ZNF256: variants seen among roughly 807,000 people sequenced by gnomAD.
ZNF256 encodes the protein bone marrow zinc finger 3.
Under a neutral mutation model 7.9 loss-of-function variants are expected in ZNF256, and 4 were observed. That is an observed-to-expected ratio of 0.50 (90% confidence interval 0.25 to 1.15). The LOEUF is 1.15. Ranked by LOEUF, ZNF256 falls within the 50% of genes most tolerant of loss-of-function variation. The probability of loss-of-function intolerance (pLI) is 0.15; values close to 1 mark genes in which losing one functional copy is unlikely to be tolerated. For missense variants in ZNF256, 666 were observed against 755.9 expected (o/e 0.88, Z 1.39); for synonymous variants, 260 against 260.4 (o/e 1.00, Z 0.02).
Position 57,941,130 on chromosome 19 carries a change from A to C in ZNF256, c.1678T>G (p.Ser560Ala). Residue 560 changes from serine (S) to alanine (A), a missense_variant, in exon 3 of 3, where the codon TCT becomes GCT. By Grantham distance (99) the Ser-to-Ala change is moderately conservative. Coordinates refer to ENST00000282308, the MANE Select transcript of ZNF256 (RefSeq NM_005773.3). The stretch of plus-strand genomic sequence containing the variant: ...ACTCTTCGGTGTTTAACGAGGCTAG[A>C]GTGGTTACTAAAGGATTTCCAACAC... ...SECWKSFSNH[S>A]SLVKHRRVHT... The C allele has an allele frequency of 1.9e-6, 3 of 1,614,136 alleles. No individual in the cohort carries two copies. The South Asian group carries it at 3.3e-5, about 18-fold the overall frequency.
In ZNF256 at chr19:57,942,388, A is replaced by G. The variant is rs1027047330; in HGVS notation, c.420T>C (p.His140=). ...TAYLHQHQKQ[H]VGQKHFRSNG... is the part of the protein sequence containing the mutation. Reference sequence around the variant, plus strand: ...TGCTTCTGAAGTGTTTCTGTCCAACATGCTGCTTCTGGTGCTGATGAAGGT... The same window carrying G: ...TGCTTCTGAAGTGTTTCTGTCCAACGTGCTGCTTCTGGTGCTGATGAAGGT... Residue 140 remains histidine, a synonymous_variant, in exon 3 of 3, where the codon CAT becomes CAC. Coordinates refer to ENST00000282308, the MANE Select transcript of ZNF256 (RefSeq NM_005773.3). The G allele has an allele frequency of 6.2e-7, 1 of 1,614,224 alleles. No homozygotes were observed. The highest frequency in any genetic ancestry group is 1.7e-5 in the Admixed American group (1 of 60,030).
At chr19:57,944,150 C>G in intron 1 of ZNF256, 90 bp from the exon 2 acceptor site, 2 of 1,576,706 alleles carry the variant, frequency 1.3e-6, no homozygotes, top group Non-Finnish European at 1.7e-6. Context: ...CATGCTCATC[C>G]TCTTTCCAAG....
At position 57,940,899 on chromosome 19, in the gene ZNF256, C is replaced by T; in HGVS notation, c.*25G>A. The T allele has an allele frequency of 6.3e-7, 1 of 1,588,208 alleles. No homozygotes were observed. Among genetic ancestry groups the T allele is most frequent in the Non-Finnish European group, 8.6e-7 (1 of 1,163,616 alleles). ...TGCAGGGACACTTCTCAGTCCGTAA[C>T]AGCCCTATGTGTGTTACCTAACCTT... On this transcript the variant is annotated 3_prime_UTR_variant, in exon 3 of 3. Coordinates refer to ENST00000282308, the MANE Select transcript of ZNF256 (RefSeq NM_005773.3).
chr19:57,945,695 C>CA (rs1442775407), intron 1 of ZNF256, among the ~76,000 whole-genome samples: 1 of 152,156 alleles, frequency 6.6e-6, no homozygotes. Flanking sequence ...GAAGCAGCCT[C>CA]AAAAATTTCT....
At chr19:57,946,896 T>C (rs2072769780) in intron 1 of ZNF256, among the ~76,000 whole-genome samples, 1 of 152,164 alleles carries the variant, frequency 6.6e-6, no homozygotes. Context: ...TCCACACCCG[T>C]TCACATGGCT....
intron 2 of ZNF256, 22 bp from the exon 3 acceptor site, chr19:57,942,669 T>C (rs1162848359): frequency 6.2e-7 from 1 of 1,604,614 alleles, no homozygotes; most frequent in South Asian, 1.1e-5. Flanking sequence ...AAAATGCTGG[T>C]GAAGAGCATG....
At chr19:57,943,818 C>A in intron 2 of ZNF256, 116 bp downstream of exon 2, 2 of 1,408,048 alleles carry the variant, frequency 1.4e-6, no homozygotes. Context: ...ACCGCAGCAC[C>A]TGCCCAGGAA....
At chr19:57,943,666 C>T (rs1244166962) in intron 2 of ZNF256, among the ~76,000 whole-genome samples, 2 of 152,148 alleles carry the variant, frequency 1.3e-5, no homozygotes, top group Non-Finnish European at 2.9e-5. Flanking sequence ...TGGACAATGT[C>T]ACCTGGCCAG....
intron 2 of ZNF256, among the ~76,000 whole-genome samples, chr19:57,943,185 C>G (rs545216751): frequency 6.6e-6 from 1 of 152,136 alleles, no homozygotes; most frequent in Non-Finnish European, 1.5e-5. Flanking sequence ...AGCTAAGTAT[C>G]AAGAATGGGA....
chr19:57,940,966 G>C lies in ZNF256; in HGVS notation c.1842C>G (p.Phe614Leu). Residue 614 changes from phenylalanine (F) to leucine (L), a missense_variant, in exon 3 of 3, where the codon TTC becomes TTG. Physicochemically the swap from Phe to Leu is conservative, Grantham distance 22. Transcript: ENST00000282308. ...TCTGATGTTTTAGGAGGTTGGAGTT[G>C]AAGGTAAAAAATTTTCCACAGTCAC... ...ECSDCGKFFTFNSNLLKHQNV... is the reference protein window; with the variant it reads ...ECSDCGKFFTLNSNLLKHQNV... 1 of 1,614,168 alleles carries C rather than the reference G, an allele frequency of 6.2e-7. No individual in the cohort carries two copies. The highest frequency in any genetic ancestry group is 8.5e-7 in the Non-Finnish European group (1 of 1,180,008).
chr19:57,944,019 C>A lies in ZNF256; in HGVS notation c.75G>T (p.Trp25Cys). 1 of 1,614,062 alleles carries A rather than the reference C, an allele frequency of 6.2e-7. No homozygotes were observed. The highest frequency in any genetic ancestry group is 8.5e-7 in the Non-Finnish European group (1 of 1,179,952). ...TFEDVAVYFSWKEWGLLDEAQ... is the reference protein window; with the variant it reads ...TFEDVAVYFSCKEWGLLDEAQ... ...CCTCATCAAGAAGACCCCACTCCTT[C>A]CAGGAGAAGTAAACAGCCACGTCCT... Residue 25 changes from tryptophan to cysteine, a missense_variant, in exon 2 of 3, where the codon TGG (tryptophan) becomes TGT (cysteine). Physicochemically the swap from Trp to Cys is radical, Grantham distance 215. Transcript: ENST00000282308.
intron 2 of ZNF256, among the ~76,000 whole-genome samples, chr19:57,943,285 T>C (rs544607410): frequency 5.0e-4 from 76 of 152,272 alleles, no homozygotes; most frequent in African/African-American, 1.7e-3. Context: ...GATGTGAACA[T>C]AACCCTTATA....
intron 1 of ZNF256, 86 bp from the exon 2 acceptor site, chr19:57,944,146 C>A: frequency 6.3e-7 from 1 of 1,579,820 alleles, no homozygotes; most frequent in South Asian, 1.1e-5. Context: ...ACCCCATGCT[C>A]ATCCTCTTTC....
At chr19:57,943,755 G>C (rs1171121913) in intron 2 of ZNF256, among the ~76,000 whole-genome samples, 179 bp downstream of exon 2, 1 of 152,202 alleles carries the variant, frequency 6.6e-6, no homozygotes, top group Non-Finnish European at 1.5e-5. Context: ...AAGGGAAGCA[G>C]GTGTTGCTTG....
At position 57,941,442 on chromosome 19, in the gene ZNF256, C is replaced by A. The variant is rs748553179; in HGVS notation, c.1366G>T (p.Val456Phe). 6.2e-7 allele frequency: 1 copy of A among 1,613,926 alleles called. No individual in the cohort carries two copies. Among genetic ancestry groups the A allele is most frequent in the Admixed American group, 1.7e-5 (1 of 60,008 alleles). ...RKFDLIVHER[V>F]HTGERPYECS... ...TCATATGGCCTTTCTCCTGTGTGAA[C>A]TCTCTCATGTACAATGAGGTCAAAT... Residue 456 changes from valine (V) to phenylalanine (F), a missense_variant, in exon 3 of 3, where the codon GTT becomes TTT. By Grantham distance (50) the Val-to-Phe change is conservative. Transcript: ENST00000282308.
At chr19:57,944,103 C>T in intron 1 of ZNF256, 43 bp from the exon 2 acceptor site, 1 of 1,610,690 alleles carries the variant, frequency 6.2e-7, no homozygotes, top group South Asian at 1.1e-5. Context: ...GGTTCCTCCT[C>T]TCAGGATCCA....
chr19:57,944,912 A>G (rs75666018), intron 1 of ZNF256, among the ~76,000 whole-genome samples: 1 of 105,366 alleles, frequency 9.5e-6, no homozygotes, highest in Admixed American at 1.1e-4. Context: ...ACAGTTTATT[A>G]ATTTTTTTTT....
chr19:57,941,385 T>C lies in ZNF256; in HGVS notation c.1423A>G (p.Lys475Glu). 1 of 1,614,166 alleles carries C rather than the reference T, an allele frequency of 6.2e-7. No individual in the cohort carries two copies. The highest frequency in any genetic ancestry group is 8.5e-7 in the Non-Finnish European group (1 of 1,180,030). Residue 475 changes from lysine to glutamate, a missense_variant, in exon 3 of 3, where the codon AAA (lysine) becomes GAA (glutamate). Physicochemically the swap from Lys to Glu is moderately conservative, Grantham distance 56. Transcript: ENST00000282308. ...CSECGKSFTC[K>E]SYLISHWKVH... ...TTCCAGTGTGAGATGAGGTAGGATT[T>C]ACAGGTAAAGGATTTTCCACATTCA...
rs566731967 is a variant in ZNF256, at chr19:57,947,449, G to A, written c.26C>T (p.Pro9Leu). ...AGAGGACGCGGCACATACCTGGGCC[G>A]GGGCCGTCAGCTCGGCCGCCGCCAT... MAAAELTA[P>L]AQGIVTFEDV... is the part of the protein sequence containing the mutation. The change falls in exon 1 of 3, where the codon CCG (proline) becomes CTG (leucine). Residue 9 changes from proline to leucine, a missense_variant. Pro to Leu is a moderately conservative substitution (Grantham distance 98). Coordinates refer to ENST00000282308, the MANE Select transcript of ZNF256 (RefSeq NM_005773.3). 3 of 1,249,066 alleles carry A rather than the reference G, an allele frequency of 2.4e-6. No homozygotes were observed. In the African/African-American group the frequency reaches 4.6e-5, roughly 19 times the overall value. The allele number at this position is 1,249,066 out of a possible 1,614,324, so 77.4% of individuals were successfully genotyped here.
Sources: gnomAD v4.1 joint callset for allele counts (sites outside exome capture counted in the v4.1 genomes callset) on GRCh38, gnomAD v4.1.1 for gene constraint, MANE v1.5 for transcripts, NCBI Gene and HGNC (gene_info 2026-07-23, HGNC 2026-07-21) for gene names.